CARD10: variants seen among roughly 807,000 people sequenced by gnomAD.
CARD10 encodes caspase recruitment domain family member 10, also known as caspase recruitment domain-containing protein 10.
A neutral mutation model predicts 114.6 loss-of-function variants in CARD10; 49 were observed. The observed-to-expected ratio is 0.43, with a 90% CI of 0.34 to 0.54. CARD10 has a LOEUF of 0.54. CARD10 is among the 20% of genes least tolerant of loss of function. The pLI is 0.03. For missense variants in CARD10, 1,206 were observed against 1,397.2 expected, an observed-to-expected ratio of 0.86 and a Z score of 2.18; for synonymous variants, 602 against 593.2, an observed-to-expected ratio of 1.01 and a Z score of -0.21.
rs1403222310 is a variant in CARD10 at position 37,519,003 on chromosome 22, C to G, written c.198G>C (p.Leu66=). 1.4e-5 allele frequency: 22 copies of G among 1,585,386 alleles called. No individual in the cohort carries two copies. The highest frequency in any genetic ancestry group is 5.1e-5 in the Admixed American group (3 of 58,790). ...CGCGGCACGGGAAGCGGTAGGTGCT[C>G]AGCACCTCCTCCTCGTCCTGCTCGT... is the stretch of plus-strand genomic sequence containing the variant. The part of the protein sequence containing the change: ...VIDEQDEEEV[L]STYRFPCRVN... The change falls in exon 1 of 20, where the codon CTG becomes CTC. Residue 66 remains leucine, a synonymous_variant. Transcript: ENST00000251973. The surrounding 1 kb of genome is among the most constrained non-coding windows in gnomAD (Gnocchi z 4.1).
intron 8 of CARD10, 84 bp downstream of exon 8, chr22:37,504,551 T>C: frequency 6.9e-7 from 1 of 1,455,518 alleles, no homozygotes. Flanking sequence ...ACCTGTGAAA[T>C]GGATCCTTCA....
chr22:37,516,159 C>T lies in CARD10; in HGVS notation c.513G>A (p.Leu171=). The T allele has an allele frequency of 6.3e-7, 1 of 1,594,278 alleles. No individual in the cohort carries two copies. Among genetic ancestry groups the T allele is most frequent in the Non-Finnish European group, 8.5e-7 (1 of 1,170,936 alleles). The part of the protein sequence containing the change: ...GRVLEEERAG[L]EQRLRDQQQA... ...GCTGCTGGTCCCGCAGCCGCTGCTC[C>T]AGCCCTGCCCGCTCCTCCTCGAGCA... Residue 171 remains leucine, a synonymous_variant, in exon 3 of 20, where the codon CTG becomes CTA. Coordinates refer to ENST00000251973, the MANE Select transcript of CARD10 (RefSeq NM_014550.4).
In CARD10 at chr22:37,496,948, CA is replaced by C. The variant is rs55977141; in HGVS notation, c.1947+70del. ...GCTCTGCCCGGTGATCTTGATCCAC[CA>C]AATTAAGGGATGTCCAGCCTGGGCA... On this transcript the variant is annotated intron_variant, in intron 12 of 19. Coordinates refer to ENST00000251973, the MANE Select transcript of CARD10 (RefSeq NM_014550.4). The surrounding 1 kb of genome is among the most constrained non-coding windows in gnomAD (Gnocchi z 4.1). The C allele has an allele frequency of 0.13, 192,399 of 1,490,844 alleles. 13,860 individuals are homozygous for C. Among genetic ancestry groups the C allele is most frequent in the East Asian group, 0.27 (11,518 of 42,972 alleles). The allele number at this position is 1,490,844 out of a possible 1,614,324, so 92.4% of individuals were successfully genotyped here.
chr22:37,508,985 C>G, intron 4 of CARD10: 1 of 1,549,020 alleles, frequency 6.5e-7, no homozygotes, highest in Non-Finnish European at 8.7e-7. Flanking sequence ...CAGGCACACA[C>G]TCGTGCTCTG....
intron 7 of CARD10, among the ~76,000 whole-genome samples, chr22:37,505,274 T>C (rs1356528347): frequency 2.0e-5 from 3 of 150,000 alleles, no homozygotes; most frequent in African/African-American, 7.4e-5. Context: ...CCACTGGGGG[T>C]TAAAAAAAAA....
chr22:37,504,833 T>G, intron 7 of CARD10, 64 bp from the exon 8 acceptor site: 1 of 997,500 alleles, frequency 1.0e-6, no homozygotes, highest in Non-Finnish European at 1.4e-6. Flanking sequence ...CACAGTCCTT[T>G]ACTGAGCACC....
At position 37,491,281 on chromosome 22, in the gene CARD10, C is replaced by A; in HGVS notation, c.2977G>T (p.Glu993Ter). 6.4e-7 allele frequency: 1 copy of A among 1,569,868 alleles called. No individual in the cohort carries two copies. The highest frequency in any genetic ancestry group is 8.6e-7 in the Non-Finnish European group (1 of 1,163,778). The part of the protein sequence containing the change: ...PCSWVQVPAH[E>*]WGHAEELAKV... ...GCCAGCTCCTCTGCGTGTCCCCACT[C>A]ATGGGCGGGCACCTGCACCCAGGAG... Residue 993 changes from glutamate to a stop codon, truncating the protein, a stop_gained, in exon 20 of 20, where the codon GAG (glutamate) becomes TAG (stop). Coordinates refer to ENST00000251973, the MANE Select transcript of CARD10 (RefSeq NM_014550.4). LOFTEE classifies it low-confidence loss of function (END_TRUNC).
Position 37,495,978 on chromosome 22 carries a change from T to G in CARD10, c.2085A>C (p.Leu695=), listed in dbSNP as rs1248857085. The G allele has an allele frequency of 1.2e-6, 2 of 1,613,822 alleles. No homozygotes were observed. Among genetic ancestry groups the G allele is most frequent in the Non-Finnish European group, 1.7e-6 (2 of 1,179,974 alleles). ...SKACQSFHEA[L]EAWAKGPGAE... is the part of the protein sequence containing the mutation. ...CACCTGGTCCCTTTGCCCAGGCTTC[T>G]AGGGCCTCGTGGAAGGACTGGCAGG... Residue 695 remains leucine (L), a synonymous_variant, in exon 14 of 20, where the codon CTA becomes CTC. Coordinates refer to ENST00000251973, the MANE Select transcript of CARD10 (RefSeq NM_014550.4).
chr22:37,512,456 GC>G (rs67393752), intron 3 of CARD10, among the ~76,000 whole-genome samples: 8 of 135,018 alleles, frequency 5.9e-5, no homozygotes, highest in Middle Eastern at 3.9e-3. Context: ...TAGAATGGCA[GC>G]CCCCCCTCCA....
Position 37,496,664 on chromosome 22 carries a change from G to A in CARD10, c.1948-104C>T. ...GTGTGGGGGTGTTTCATGCCTCACA[G>A]TTCAGATAGCGCCCCCTCAGAAACT... On this transcript the variant is annotated intron_variant, in intron 12 of 19. Coordinates refer to ENST00000251973, the MANE Select transcript of CARD10 (RefSeq NM_014550.4). This position sits in a 1 kb window ranked among gnomAD's most constrained non-coding sequence, Gnocchi z 4.1. The A allele has an allele frequency of 1.2e-6, 1 of 812,016 alleles. No homozygotes were observed. The highest frequency in any genetic ancestry group is 1.5e-5 in the South Asian group (1 of 68,234). The allele number at this position is 812,016 out of a possible 1,614,324, so 50.3% of individuals were successfully genotyped here.
intron 3 of CARD10, among the ~76,000 whole-genome samples, chr22:37,513,987 C>T (rs1329967714): frequency 6.6e-6 from 1 of 151,920 alleles, no homozygotes; most frequent in Non-Finnish European, 1.5e-5. Context: ...ACCTGTAATC[C>T]CAGCTACTCA....
At position 37,507,280 on chromosome 22, in the gene CARD10, TAAC is replaced by T. The variant is rs750821707; in HGVS notation, c.1191+546_1191+548del. On this transcript the variant is annotated intron_variant, in intron 6 of 19. Coordinates refer to ENST00000251973, the MANE Select transcript of CARD10 (RefSeq NM_014550.4). ...AGCTAGATTCAGTCTCAAAAAGTAA[TAAC>T]AACAATAATATACAGACTTCAACTC... Among the ~76,000 whole-genome samples the T allele has an allele frequency of 2.6e-5, 4 of 152,090 alleles. No individual in the cohort carries two copies. In the South Asian group the frequency reaches 6.2e-4, roughly 24 times the overall value.
Position 37,506,437 on chromosome 22 carries a change from T to G in CARD10, c.1192-54A>C. The stretch of plus-strand genomic sequence containing the variant: ...TGAAGGAGCCACCTTGGCCCAGCTT[T>G]CCTGGCCTATGACTTGGAGAATGGG... On this transcript the variant is annotated intron_variant, in intron 6 of 19. Coordinates refer to ENST00000251973, the MANE Select transcript of CARD10 (RefSeq NM_014550.4). 4 of 1,389,426 alleles carry G rather than the reference T, an allele frequency of 2.9e-6. No individual in the cohort carries two copies. The South Asian group carries it at 4.4e-5, about 15-fold the overall frequency. The allele number at this position is 1,389,426 out of a possible 1,614,324, so 86.1% of individuals were successfully genotyped here.
chr22:37,517,597 G>T (rs1167017138), intron 2 of CARD10, among the ~76,000 whole-genome samples: 4 of 151,964 alleles, frequency 2.6e-5, no homozygotes, highest in Non-Finnish European at 4.4e-5. Flanking sequence ...AGCTGAGATC[G>T]CGCCACTGCA....
intron 3 of CARD10, among the ~76,000 whole-genome samples, chr22:37,512,522 G>A (rs961225480): frequency 8.5e-6 from 1 of 116,986 alleles, no homozygotes; most frequent in African/African-American, 2.8e-5. Context: ...CACACACACG[G>A]GTCTGGAGGC....
intron 1 of CARD10, among the ~76,000 whole-genome samples, chr22:37,518,744 G>C (rs999762913): frequency 2.6e-5 from 4 of 152,210 alleles, no homozygotes; most frequent in Non-Finnish European, 5.9e-5. Context: ...AGAACCCCAA[G>C]AGACAAAACT....
intron 7 of CARD10, among the ~76,000 whole-genome samples, 189 bp from the exon 8 acceptor site, chr22:37,504,958 T>C (rs557081783): frequency 3.9e-5 from 6 of 152,090 alleles, no homozygotes; most frequent in Middle Eastern, 3.4e-3. Context: ...GCTGAGACAA[T>C]AGCAGAAGGA....
chr22:37,511,008 G>A (rs1022639392), intron 3 of CARD10, among the ~76,000 whole-genome samples: 6 of 151,354 alleles, frequency 4.0e-5, no homozygotes, highest in Admixed American at 6.6e-5. Context: ...TTTGAACCCA[G>A]GAGATGGAGG....
At chr22:37,506,821 C>T (rs1923427713) in intron 6 of CARD10, among the ~76,000 whole-genome samples, 1 of 152,216 alleles carries the variant, frequency 6.6e-6, no homozygotes, top group African/African-American at 2.4e-5. Flanking sequence ...GAGCTGGGCC[C>T]ATGGTCCAGA....
Sources: allele counts gnomAD v4.1 joint callset (sites outside exome capture counted in the v4.1 genomes callset), GRCh38; gene constraint gnomAD v4.1.1; non-coding constraint Gnocchi (gnomAD v3.1); transcripts MANE v1.5; gene names NCBI Gene and HGNC (gene_info 2026-07-23, HGNC 2026-07-21).